The following SLC44A1 variants were observed in gnomAD, a reference collection of about 807,000 sequenced individuals.
The protein encoded by SLC44A1 is choline transporter-like protein 1.
In SLC44A1, 26 loss-of-function variants were observed where a neutral mutation model predicts 79.3. The ratio of observed to expected loss-of-function variants is 0.33; its 90% CI spans 0.24 to 0.46. The LOEUF (loss-of-function observed/expected upper bound fraction) is 0.46, where lower values mean the gene tolerates loss of function less well. Ranked by LOEUF, SLC44A1 falls within the 20% of genes least tolerant of loss-of-function variation. The probability of loss-of-function intolerance (pLI) is 1.00; values close to 1 mark genes in which losing one functional copy is unlikely to be tolerated. For synonymous variants in SLC44A1, 263 were observed against 286.2 expected, an observed-to-expected ratio of 0.92 and a Z score of 0.82; for missense variants, 688 against 798.1, an observed-to-expected ratio of 0.86 and a Z score of 1.66.
chr9:105,413,834 C>T (rs1162274082), intron 15 of SLC44A1, among the ~76,000 whole-genome samples: 1 of 152,118 alleles, frequency 6.6e-6, no homozygotes, highest in Non-Finnish European at 1.5e-5. Context: ...CAGGAGAAGA[C>T]GTGATCCCCC....
rs1220145072 is a variant in SLC44A1, at chr9:105,392,399, CTCTCTTTT to C, written c.*3345_*3352del. ...TTTTGTAGAGATGCTCTCTCTCTCT[CTCTCTTTT>C]TTTTTTTTTTTTTTTTTTTTTTTCC... On this transcript the variant is annotated 3_prime_UTR_variant, in exon 16 of 16. Transcript: ENST00000374720. 15,194 of 804,652 alleles carry C rather than the reference CTCTCTTTT, an allele frequency of 0.019. 286 individuals carry two copies. Among genetic ancestry groups the C allele is most frequent in the Non-Finnish European group, 0.02 (13,919 of 694,252 alleles). 49.8% of individuals were successfully genotyped at this position (804,652 alleles called of 1,614,324 possible). A position where few individuals can be genotyped will look rare whatever the true frequency, so the allele number is the denominator to read the frequency against.
Position 105,392,399 on chromosome 9 carries a change from CTCTCTTTTTTTTTT to C in SLC44A1, c.*3345_*3358del, listed in dbSNP as rs1828782626. ...TTTTGTAGAGATGCTCTCTCTCTCT[CTCTCTTTTTTTTTT>C]TTTTTTTTTTTTTTTTTCCGTGAGG... On this transcript the variant is annotated 3_prime_UTR_variant, in exon 16 of 16. Transcript: ENST00000374720. 535 of 809,554 alleles carry C rather than the reference CTCTCTTTTTTTTTT, an allele frequency of 6.6e-4. No homozygotes were observed. Among genetic ancestry groups the C allele is most frequent in the Non-Finnish European group, 7.3e-4 (509 of 701,080 alleles). The allele number at this position is 809,554 out of a possible 1,614,324, so 50.1% of individuals were successfully genotyped here.
At chr9:105,251,218 C>G (rs958779565) in intron 1 of SLC44A1, among the ~76,000 whole-genome samples, 1 of 152,168 alleles carries the variant, frequency 6.6e-6, no homozygotes, top group African/African-American at 2.4e-5. Flanking sequence ...CCGGCTTTTT[C>G]AGTACTTTAT....
intron 3 of SLC44A1, among the ~76,000 whole-genome samples, chr9:105,310,605 A>G (rs927135523): frequency 2.0e-5 from 3 of 152,236 alleles, no homozygotes; most frequent in African/African-American, 4.8e-5. Context: ...GTAGTAGGCT[A>G]ACTAATCCAG....
intron 1 of SLC44A1, among the ~76,000 whole-genome samples, chr9:105,271,784 T>G (rs1241791077): frequency 6.6e-6 from 1 of 152,046 alleles, no homozygotes; most frequent in Non-Finnish European, 1.5e-5. Flanking sequence ...TGGCTAATTT[T>G]TGTAGTTTTA....
At chr9:105,361,137 T>TA (rs757863590) in intron 7 of SLC44A1, 54 bp from the exon 8 acceptor site, 56 of 1,557,930 alleles carry the variant, frequency 3.6e-5, no homozygotes, top group Non-Finnish European at 4.7e-5. Flanking sequence ...GAATTTATGT[T>TA]ACACATTTTC....
intron 1 of SLC44A1, among the ~76,000 whole-genome samples, chr9:105,259,640 A>G (rs1829796475): frequency 6.6e-6 from 1 of 152,188 alleles, no homozygotes; most frequent in Admixed American, 6.5e-5. Context: ...GTGGTTTTGT[A>G]TTTTCATGAC....
chr9:105,402,660 G>GT (rs1564053145), intron 15 of SLC44A1, among the ~76,000 whole-genome samples: 8 of 130,302 alleles, frequency 6.1e-5, no homozygotes. Flanking sequence ...TAACAAAGGC[G>GT]TGTGTCGCTT....
chr9:105,319,274 A>C (rs1172335488), intron 3 of SLC44A1, among the ~76,000 whole-genome samples: 1 of 152,170 alleles, frequency 6.6e-6, no homozygotes, highest in East Asian at 1.9e-4. Flanking sequence ...ACTGAACGCT[A>C]CTGTACTCAT....
In SLC44A1 at chr9:105,352,562, G is replaced by A. The variant is rs1827483658; in HGVS notation, c.501-3650G>A. 2.0e-5 allele frequency among the ~76,000 whole-genome samples: 3 copies of A among 152,186 alleles called. No individual in the cohort carries two copies. The South Asian group carries it at 6.2e-4, about 31-fold the overall frequency. On this transcript the variant is annotated intron_variant, in intron 5 of 15. Transcript: ENST00000374720. ...AAGTAAAACAGCATCACTTCCTAAT[G>A]TGACTACATCGACTTATTAAAGATT...
At chr9:105,345,328 C>T (rs1057080250) in intron 4 of SLC44A1, among the ~76,000 whole-genome samples, 4 of 152,100 alleles carry the variant, frequency 2.6e-5, no homozygotes, top group Admixed American at 1.3e-4. Flanking sequence ...GTATGTTTCA[C>T]GGATGTTGGA....
chr9:105,304,411 A>G (rs1275678345), intron 2 of SLC44A1, among the ~76,000 whole-genome samples: 1 of 152,162 alleles, frequency 6.6e-6, no homozygotes, highest in African/African-American at 2.4e-5. Context: ...CTTTATTTTA[A>G]TATTGTGATT....
At chr9:105,309,902 C>T in intron 3 of SLC44A1, 36 bp downstream of exon 3, 2 of 1,594,164 alleles carry the variant, frequency 1.3e-6, no homozygotes, top group Non-Finnish European at 1.7e-6. Flanking sequence ...CACATGGAAA[C>T]TTTGAAAGAG....
chr9:105,325,251 A>G (rs1826536082), intron 3 of SLC44A1, among the ~76,000 whole-genome samples: 1 of 152,264 alleles, frequency 6.6e-6, no homozygotes, highest in Non-Finnish European at 1.5e-5. Context: ...GAAGCCAGCC[A>G]CATATGGTAC....
At chr9:105,388,096 G>T (rs1248982974) in intron 15 of SLC44A1, among the ~76,000 whole-genome samples, 1 of 152,210 alleles carries the variant, frequency 6.6e-6, no homozygotes, top group East Asian at 1.9e-4. Flanking sequence ...CTGGTGCTTT[G>T]GACATTGTAG....
At chr9:105,413,990 T>TAAA (rs111839703) in intron 15 of SLC44A1, among the ~76,000 whole-genome samples, 1 of 145,196 alleles carries the variant, frequency 6.9e-6, no homozygotes, top group African/African-American at 2.5e-5. Context: ...GTCAGAAAGT[T>TAAA]AAAAAAAAAA....
At chr9:105,332,016 G>A (rs1826764871) in intron 3 of SLC44A1, among the ~76,000 whole-genome samples, 2 of 152,176 alleles carry the variant, frequency 1.3e-5, no homozygotes, top group South Asian at 2.1e-4. Flanking sequence ...CTGAACCTAA[G>A]GTCAAGGTCT....
At chr9:105,362,159 A>G (rs1404016441) in intron 8 of SLC44A1, among the ~76,000 whole-genome samples, 1 of 152,200 alleles carries the variant, frequency 6.6e-6, no homozygotes, top group Non-Finnish European at 1.5e-5. Flanking sequence ...ATTTATATGT[A>G]TACCTTTGGT....
At chr9:105,377,933 T>C (rs1828343074) in intron 13 of SLC44A1, among the ~76,000 whole-genome samples, 1 of 152,034 alleles carries the variant, frequency 6.6e-6, no homozygotes, top group African/African-American at 2.4e-5. Context: ...GGTTATATAC[T>C]GATCAATACA....
Sources: gnomAD v4.1 joint callset for allele counts (sites outside exome capture counted in the v4.1 genomes callset) on GRCh38, gnomAD v4.1.1 for gene constraint, MANE v1.5 for transcripts, NCBI Gene and HGNC (gene_info 2026-07-23, HGNC 2026-07-21) for gene names.